Variants in LATS2 observed in about 807,000 individuals in gnomAD.
LATS2 encodes large tumor suppressor kinase 2.
In LATS2, 24 loss-of-function variants were observed where a neutral mutation model predicts 76.0. That is an observed-to-expected ratio of 0.32 (90% CI 0.23 to 0.44). LATS2 has a LOEUF of 0.44. Among genes scored for constraint, LATS2 ranks in the 20% least tolerant of loss-of-function variants. LATS2 has a pLI of 1.00. For missense variants in LATS2, 1,286 were observed against 1,481.2 expected (o/e 0.87, Z 2.16); for synonymous variants, 692 against 635.4 (o/e 1.09, Z -1.34).
intron 6 of LATS2, 60 bp downstream of exon 6, chr13:20,981,404 ACT>A (rs200567208): frequency 1.6e-5 from 23 of 1,461,294 alleles, no homozygotes; most frequent in African/African-American, 8.5e-5. Flanking sequence ...AGCCAGCGAG[ACT>A]CAGCTCACGT....
intron 2 of LATS2, among the ~76,000 whole-genome samples, chr13:20,999,532 G>A (rs922334531): frequency 2.6e-5 from 4 of 151,824 alleles, no homozygotes; most frequent in Non-Finnish European, 4.4e-5. Flanking sequence ...ACAGTGGCTC[G>A]ATCAGGGCTC....
At chr13:20,984,558 A>G (rs1197646011) in intron 4 of LATS2, among the ~76,000 whole-genome samples, 1 of 152,196 alleles carries the variant, frequency 6.6e-6, no homozygotes, top group Non-Finnish European at 1.5e-5. Context: ...GGATTTCTGT[A>G]CACCAATAAT....
intron 2 of LATS2, among the ~76,000 whole-genome samples, chr13:21,015,123 G>A (rs535989208): frequency 1.3e-5 from 2 of 152,328 alleles, no homozygotes; most frequent in Non-Finnish European, 2.9e-5. Context: ...CAGTGTTCCA[G>A]GGAAACTGTA....
intron 2 of LATS2, among the ~76,000 whole-genome samples, chr13:21,028,094 A>T (rs181140471): frequency 4.6e-5 from 7 of 151,826 alleles, no homozygotes; most frequent in Middle Eastern, 3.4e-3. Context: ...CCCACCCCAC[A>T]ACAGTCCCCA....
chr13:21,052,607 C>T (rs1407847697), intron 1 of LATS2, among the ~76,000 whole-genome samples: 1 of 152,186 alleles, frequency 6.6e-6, no homozygotes, highest in African/African-American at 2.4e-5. Flanking sequence ...CTGCCTCAGC[C>T]TCCCAAAGAG....
At chr13:20,984,437 A>G (rs1285985422) in intron 4 of LATS2, among the ~76,000 whole-genome samples, 1 of 152,210 alleles carries the variant, frequency 6.6e-6, no homozygotes, top group Non-Finnish European at 1.5e-5. Flanking sequence ...AAAATGGGAA[A>G]GCAGGAAGAA....
At chr13:21,001,005 T>C (rs946497196) in intron 2 of LATS2, among the ~76,000 whole-genome samples, 1 of 152,234 alleles carries the variant, frequency 6.6e-6, no homozygotes, top group African/African-American at 2.4e-5. Flanking sequence ...TGCTTACACA[T>C]GTATCAGACT....
chr13:20,989,406 G>A, intron 3 of LATS2, 102 bp from the exon 4 acceptor site: 1 of 1,268,436 alleles, frequency 7.9e-7, no homozygotes, highest in Non-Finnish European at 1.1e-6. Context: ...TCGGGGCTGA[G>A]GGTCTTGAAC....
intron 2 of LATS2, among the ~76,000 whole-genome samples, chr13:21,037,307 C>T (rs771295061): frequency 8.5e-5 from 13 of 152,172 alleles, no homozygotes; most frequent in Admixed American, 2.6e-4. Flanking sequence ...AGGAGGCTGA[C>T]GGGGGAGAAT....
At chr13:20,976,156 C>T (rs1465306352) in intron 7 of LATS2, among the ~76,000 whole-genome samples, 1 of 152,176 alleles carries the variant, frequency 6.6e-6, no homozygotes, top group African/African-American at 2.4e-5. Context: ...GATGTGTCTA[C>T]TGTGAAGACA....
chr13:21,050,529 T>A (rs568893804), intron 1 of LATS2, among the ~76,000 whole-genome samples: 1 of 152,266 alleles, frequency 6.6e-6, no homozygotes, highest in Admixed American at 6.5e-5. Flanking sequence ...ACACGTAGTA[T>A]ATATATAGCA....
chr13:21,001,984 G>A (rs1595226103), intron 2 of LATS2, among the ~76,000 whole-genome samples: 1 of 151,688 alleles, frequency 6.6e-6, no homozygotes, highest in East Asian at 2.0e-4. Context: ...CACTATCTCG[G>A]CTCACTGCAA....
At chr13:21,009,976 G>A (rs1871519056) in intron 2 of LATS2, among the ~76,000 whole-genome samples, 1 of 152,198 alleles carries the variant, frequency 6.6e-6, no homozygotes, top group South Asian at 2.1e-4. Flanking sequence ...GAGGTGGACA[G>A]ACTGCCTGAG....
rs182213055 is a variant in LATS2, at chr13:21,011,617, G to C, written c.343-20213C>G. On this transcript the variant is annotated intron_variant, in intron 2 of 7. Transcript: ENST00000382592. ...CTGGTGGAGACTTTGCCTTGGCCTA[G>C]GAATTTAAAAAATCTATTCTGCTTC... Among the ~76,000 whole-genome samples, 62 of 152,254 alleles carry C rather than the reference G, an allele frequency of 4.1e-4. 1 individual carries two copies. The highest frequency in any genetic ancestry group is 1.4e-3 in the African/African-American group (60 of 41,550).
At chr13:21,020,537 A>G (rs1453669378) in intron 2 of LATS2, among the ~76,000 whole-genome samples, 2 of 152,168 alleles carry the variant, frequency 1.3e-5, no homozygotes, top group Non-Finnish European at 1.5e-5. Flanking sequence ...ATGTTAAGGG[A>G]AAAAAATCAC....
intron 2 of LATS2, among the ~76,000 whole-genome samples, chr13:20,997,400 G>A (rs1369738581): frequency 6.6e-6 from 1 of 152,210 alleles, no homozygotes. Flanking sequence ...AGAAAGGACT[G>A]CAAAAGAGGC....
intron 2 of LATS2, among the ~76,000 whole-genome samples, chr13:21,019,498 T>TTTTTTC: frequency 6.9e-6 from 1 of 145,860 alleles, no homozygotes. Context: ...AGCTAATTTT[T>TTTTTTC]TTTTTTTTGT....
intron 2 of LATS2, chr13:21,005,199 C>G (rs76252049): frequency 0.01 from 1,572 of 152,358 alleles, 26 homozygotes; most frequent in African/African-American, 0.036. Flanking sequence ...AAAGAATGAG[C>G]TGAAGATGGT....
At chr13:21,060,743 G>A (rs1051409650) in intron 1 of LATS2, among the ~76,000 whole-genome samples, 1 of 151,368 alleles carries the variant, frequency 6.6e-6, no homozygotes, top group Non-Finnish European at 1.5e-5. Flanking sequence ...GCGGGACGAC[G>A]GGGCGGCCGG....
Sources: allele counts gnomAD v4.1 joint callset (sites outside exome capture counted in the v4.1 genomes callset), GRCh38; gene constraint gnomAD v4.1.1; transcripts MANE v1.5; gene names NCBI Gene and HGNC (gene_info 2026-07-23, HGNC 2026-07-21).